Variants in CES2 observed in about 807,000 individuals in gnomAD.
The protein encoded by CES2 is cocaine esterase.
A neutral mutation model predicts 52.1 loss-of-function variants in CES2; 42 were observed. That is an observed-to-expected ratio of 0.81 (90% CI 0.63 to 1.04). The LOEUF (loss-of-function observed/expected upper bound fraction) is 1.04, where lower values mean the gene tolerates loss of function less well. Among genes scored for constraint, CES2 ranks in the 50% least tolerant of loss-of-function variants. The probability of loss-of-function intolerance (pLI) is 0.00; values close to 1 mark genes in which losing one functional copy is unlikely to be tolerated. For missense variants in CES2, 656 were observed against 724.3 expected, an observed-to-expected ratio of 0.91 and a Z score of 1.08; for synonymous variants, 277 against 289.6, an observed-to-expected ratio of 0.96 and a Z score of 0.44.
Position 66,943,493 on chromosome 16 carries a change from C to T in CES2, c.1493+122C>T. On this transcript the variant is annotated intron_variant, in intron 11 of 11. Transcript: ENST00000317091. This position sits in a 1 kb window ranked among gnomAD's most constrained non-coding sequence, Gnocchi z 4.2. ...ATCCTTCATCACATGATGGCCCCTT[C>T]CCCAGCTCCGGGACCCACTCAGACA... is the stretch of plus-strand genomic sequence containing the variant. 1 of 1,026,060 alleles carries T rather than the reference C, an allele frequency of 9.7e-7. No homozygotes were observed. Among genetic ancestry groups the T allele is most frequent in the Non-Finnish European group, 1.5e-6 (1 of 681,490 alleles). 63.6% of individuals were successfully genotyped at this position (1,026,060 alleles called of 1,614,324 possible). A position where few individuals can be genotyped will look rare whatever the true frequency, so the allele number is the denominator to read the frequency against.
rs374880110 is a variant in CES2, at chr16:66,940,672, A to G, written c.793A>G (p.Ser265Gly). 1.2e-5 allele frequency: 19 copies of G among 1,614,020 alleles called. No homozygotes were observed. The highest frequency in any genetic ancestry group is 5.0e-5 in the Admixed American group (3 of 60,004). Residue 265 changes from serine (S) to glycine (G), a missense_variant, in exon 5 of 12, where the codon AGC becomes GGC. Coordinates refer to ENST00000317091, the MANE Select transcript of CES2 (RefSeq NM_001365405.1). ...GGCCCTCCTGCCCGGCCTCATTGCC[A>G]GCTCAGCTGATGTCATCTCCACGGT... ...GVALLPGLIA[S>G]SADVISTVVA...
At chr16:66,938,355 C>A in intron 2 of CES2, 114 bp downstream of exon 2, 1 of 770,422 alleles carries the variant, frequency 1.3e-6, no homozygotes, top group Non-Finnish European at 2.2e-6. Flanking sequence ...GCCAGTTTTC[C>A]TTCTGAGTTT....
In CES2 at chr16:66,943,465, C is replaced by A; in HGVS notation, c.1493+94C>A. ...TCTGGGGTGACCTCATGAGCACACC[C>A]GCATCCTTCATCACATGATGGCCCC... On this transcript the variant is annotated intron_variant, in intron 11 of 11. Transcript: ENST00000317091. The surrounding 1 kb of genome is among the most constrained non-coding windows in gnomAD (Gnocchi z 4.2). 1.5e-6 allele frequency: 2 copies of A among 1,318,934 alleles called. No individual in the cohort carries two copies. The highest frequency in any genetic ancestry group is 2.2e-6 in the Non-Finnish European group (2 of 924,912). 81.7% of individuals were successfully genotyped at this position (1,318,934 alleles called of 1,614,324 possible). A position where few individuals can be genotyped will look rare whatever the true frequency, so the allele number is the denominator to read the frequency against.
At chr16:66,938,379 G>A (rs568884325) in intron 2 of CES2, 138 bp downstream of exon 2, 10 of 666,092 alleles carry the variant, frequency 1.5e-5, no homozygotes, top group African/African-American at 5.4e-5. Flanking sequence ...GGATTCCCAC[G>A]TGCATTTTTC....
rs766827797 is a variant in CES2, at chr16:66,941,172, G to A, written c.865G>A (p.Val289Met). ...TGACCAAGTTGACTCTGAGGCCCTG[G>A]TGGGCTGCCTGCGGGGCAAGAGTAA... ...ACDQVDSEAL[V>M]GCLRGKSKEE... The change falls in exon 6 of 12, where the codon GTG becomes ATG. Residue 289 changes from valine to methionine, a missense_variant. Transcript: ENST00000317091. The A allele has an allele frequency of 6.2e-7, 1 of 1,614,198 alleles. No homozygotes were observed. The highest frequency in any genetic ancestry group is 8.5e-7 in the Non-Finnish European group (1 of 1,180,020).
rs375504098 is a variant in CES2, at chr16:66,939,326, C to T, written c.391C>T (p.Pro131Ser). ...EDCLYLSIYT[P>S]AHSHEGSNLP... ...CTGCCTGTACCTCAGCATCTACACG[C>T]CGGCCCATAGCCATGAAGGCTCTAA... The change falls in exon 3 of 12, where the codon CCG becomes TCG. Residue 131 changes from proline (P) to serine (S), a missense_variant. By Grantham distance (74) the Pro-to-Ser change is moderately conservative. Transcript: ENST00000317091. 1 of 1,614,070 alleles carries T rather than the reference C, an allele frequency of 6.2e-7. No individual in the cohort carries two copies. The highest frequency in any genetic ancestry group is 8.5e-7 in the Non-Finnish European group (1 of 1,180,044).
rs1325829385 is a variant in CES2, at chr16:66,940,575, G to A, written c.696G>A (p.Thr232=). ...TTTTTGGCGAGTCTGCGGGTGGCAC[G>A]AGTGTGTCTTCGCTTGTTGTGTCCC... ...VTIFGESAGG[T]SVSSLVVSPI... The change falls in exon 5 of 12, where the codon ACG becomes ACA. Residue 232 remains threonine (T), a synonymous_variant. Coordinates refer to ENST00000317091, the MANE Select transcript of CES2 (RefSeq NM_001365405.1). The A allele has an allele frequency of 4.3e-6, 7 of 1,614,266 alleles. No individual in the cohort carries two copies. The highest frequency in any genetic ancestry group is 1.1e-5 in the South Asian group (1 of 91,088).
At chr16:66,941,917 A>G in intron 8 of CES2, 69 bp downstream of exon 8, 3 of 1,600,340 alleles carry the variant, frequency 1.9e-6, no homozygotes, top group Non-Finnish European at 2.6e-6. Context: ...AGGAAATTCA[A>G]CCCCCAGATA....
Position 66,945,073 on chromosome 16 carries a change from G to C in CES2, c.*1048G>C, listed in dbSNP as rs1290754152. 2.6e-5 allele frequency: 4 copies of C among 152,216 alleles called. No homozygotes were observed. Among genetic ancestry groups the C allele is most frequent in the Non-Finnish European group, 5.9e-5 (4 of 68,072 alleles). 9.4% of individuals were successfully genotyped at this position (152,216 alleles called of 1,614,324 possible). A position where few individuals can be genotyped will look rare whatever the true frequency, so the allele number is the denominator to read the frequency against. ...CCGTTCATCCCTGAGAGGTCTGAAA[G>C]AATAAAAATAAATTCTAAAAAAAGC... is the stretch of plus-strand genomic sequence containing the variant. On this transcript the variant is annotated 3_prime_UTR_variant, in exon 12 of 12. Coordinates refer to ENST00000317091, the MANE Select transcript of CES2 (RefSeq NM_001365405.1).
intron 2 of CES2, 39 bp from the exon 3 acceptor site, chr16:66,939,172 GGCCACA>G: frequency 6.3e-7 from 1 of 1,597,274 alleles, no homozygotes; most frequent in Middle Eastern, 1.7e-4. Context: ...GTCTGGTTTT[GGCCACA>G]GCCTGGCCCC....
At chr16:66,937,845 G>A (rs1302591766) in intron 1 of CES2, among the ~76,000 whole-genome samples, 192 bp from the exon 2 acceptor site, 4 of 152,222 alleles carry the variant, frequency 2.6e-5, no homozygotes, top group Non-Finnish European at 4.4e-5. Context: ...GCCTCAGCCT[G>A]GTGGGATGGA....
At chr16:66,936,634 AG>A (rs1963223076) in intron 1 of CES2, among the ~76,000 whole-genome samples, 1 of 152,196 alleles carries the variant, frequency 6.6e-6, no homozygotes, top group Non-Finnish European at 1.5e-5. Flanking sequence ...TGTGCCTGCC[AG>A]GCTTCTCCAG....
At chr16:66,935,121 C>T (rs768184572), upstream of CES2, 1 of 289,902 alleles carries the variant, frequency 3.4e-6, no homozygotes, top group Non-Finnish European at 6.5e-6. Flanking sequence ...GAATGAAGGG[C>T]GCCGACACTC....
intron 6 of CES2, 65 bp downstream of exon 6, chr16:66,941,287 A>C (rs1597008967): frequency 6.3e-7 from 1 of 1,587,056 alleles, no homozygotes; most frequent in Non-Finnish European, 8.6e-7. Context: ...GCAGGCCTGC[A>C]CGGCCGTCAT....
rs764908323 is a variant in CES2 at position 66,940,670 on chromosome 16, C to G, written c.791C>G (p.Ala264Gly). 2 of 1,614,144 alleles carry G rather than the reference C, an allele frequency of 1.2e-6. No homozygotes were observed. Among genetic ancestry groups the G allele is most frequent in the Admixed American group, 1.7e-5 (1 of 60,024 alleles). ...GTGGCCCTCCTGCCCGGCCTCATTG[C>G]CAGCTCAGCTGATGTCATCTCCACG... ...SGVALLPGLI[A>G]SSADVISTVV... The change falls in exon 5 of 12, where the codon GCC becomes GGC. Residue 264 changes from alanine (A) to glycine (G), a missense_variant. Coordinates refer to ENST00000317091, the MANE Select transcript of CES2 (RefSeq NM_001365405.1).
rs1963331210 is a variant in CES2 at position 66,940,427 on chromosome 16, T to A, written c.558-10T>A. ...ACAGCCCTGTGATCCCTGTCCCTGC[T>A]ACTTCTCAGCACTGGAGACAAGCAC... On this transcript the variant is annotated splice_polypyrimidine_tract_variant and intron_variant, in intron 4 of 11. Coordinates refer to ENST00000317091, the MANE Select transcript of CES2 (RefSeq NM_001365405.1). The A allele has an allele frequency of 5.6e-6, 9 of 1,613,918 alleles. No individual in the cohort carries two copies. In the East Asian group the frequency reaches 2.0e-4, roughly 36 times the overall value.
chr16:66,941,947 C>T, intron 8 of CES2, 99 bp downstream of exon 8: 1 of 1,567,842 alleles, frequency 6.4e-7, no homozygotes, highest in Non-Finnish European at 8.7e-7. Context: ...TGTAGTGACC[C>T]CCATGAGCAA....
At chr16:66,936,005 G>A (rs1963202837) in intron 1 of CES2, 1 of 1,360,044 alleles carries the variant, frequency 7.4e-7, no homozygotes, top group Non-Finnish European at 9.5e-7. Flanking sequence ...GAGTGGGTGA[G>A]GGATTGGGGT....
intron 7 of CES2, 45 bp downstream of exon 7, chr16:66,941,691 G>A (rs1259618370): frequency 1.2e-6 from 2 of 1,613,206 alleles, no homozygotes; most frequent in South Asian, 2.2e-5. Context: ...AGCCCATCTG[G>A]TAGTGGGGGG....
Sources: gnomAD v4.1 joint callset for allele counts (sites outside exome capture counted in the v4.1 genomes callset) on GRCh38, gnomAD v4.1.1 for gene constraint, Gnocchi (gnomAD v3.1) non-coding constraint, MANE v1.5 for transcripts, NCBI Gene and HGNC (gene_info 2026-07-23, HGNC 2026-07-21) for gene names.